UVRAG: variants seen among roughly 807,000 people sequenced by gnomAD.
UVRAG encodes UV radiation resistance associated, also known as UV radiation resistance-associated gene protein.
A neutral mutation model predicts 78.0 loss-of-function variants in UVRAG; 19 were observed. The observed-to-expected ratio is 0.24, with a 90% CI of 0.17 to 0.36. The LOEUF (loss-of-function observed/expected upper bound fraction) is 0.36. Among genes scored for constraint, UVRAG ranks in the 10% least tolerant of loss-of-function variants. The pLI, the probability that UVRAG is intolerant of heterozygous loss-of-function variation, is 1.00. For missense variants in UVRAG, 740 were observed against 853.8 expected (o/e 0.87, Z 1.66); for synonymous variants, 323 against 324.6 (o/e 1.00, Z 0.05).
intron 11 of UVRAG, among the ~76,000 whole-genome samples, chr11:76,012,244 A>C (rs908097244): frequency 2.6e-5 from 4 of 152,128 alleles, no homozygotes; most frequent in Admixed American, 2.6e-4. Context: ...TGATGTTCTC[A>C]CATTTACCCT....
chr11:76,046,040 T>C (rs1296093913), intron 12 of UVRAG, among the ~76,000 whole-genome samples: 1 of 152,036 alleles, frequency 6.6e-6, no homozygotes, highest in Admixed American at 6.6e-5. Context: ...TACAAAGGAA[T>C]AGGAGTCATA....
chr11:76,072,182 G>C (rs557438497), intron 13 of UVRAG, among the ~76,000 whole-genome samples: 38 of 152,246 alleles, frequency 2.5e-4, no homozygotes, highest in African/African-American at 8.9e-4. Context: ...TTGAATAGAG[G>C]AGGAAGAACC....
intron 8 of UVRAG, among the ~76,000 whole-genome samples, chr11:75,989,664 T>C (rs541406510): frequency 7.2e-5 from 11 of 152,362 alleles, no homozygotes; most frequent in African/African-American, 2.6e-4. Flanking sequence ...TTAGTTCTTT[T>C]GGTTCTTCAA....
intron 11 of UVRAG, among the ~76,000 whole-genome samples, chr11:76,011,052 G>A (rs926284609): frequency 6.6e-6 from 1 of 152,126 alleles, no homozygotes; most frequent in Non-Finnish European, 1.5e-5. Context: ...ACTCTGAGAT[G>A]TGTCTTGATT....
At chr11:76,114,023 TTGTC>T (rs1737838871) in intron 13 of UVRAG, among the ~76,000 whole-genome samples, 1 of 152,168 alleles carries the variant, frequency 6.6e-6, no homozygotes, top group Non-Finnish European at 1.5e-5. Context: ...GGGCAGGCAA[TTGTC>T]TGTGTACTCA....
At chr11:76,013,390 A>C (rs1950090492) in intron 11 of UVRAG, among the ~76,000 whole-genome samples, 1 of 152,170 alleles carries the variant, frequency 6.6e-6, no homozygotes, top group Non-Finnish European at 1.5e-5. Flanking sequence ...CCTGAGTCTT[A>C]AGGTTCATTC....
At chr11:76,031,436 A>G (rs1303610080) in intron 12 of UVRAG, among the ~76,000 whole-genome samples, 1 of 152,148 alleles carries the variant, frequency 6.6e-6, no homozygotes, top group African/African-American at 2.4e-5. Flanking sequence ...TTGTGCAGCT[A>G]TTTCATCACT....
intron 5 of UVRAG, among the ~76,000 whole-genome samples, chr11:75,894,482 A>G (rs1253671896): frequency 6.6e-6 from 1 of 152,132 alleles, no homozygotes; most frequent in East Asian, 1.9e-4. Flanking sequence ...GGAGGAGGAT[A>G]GAGATAGTAA....
Position 75,981,396 on chromosome 11 carries a change from G to A in UVRAG, c.700-1991G>A, listed in dbSNP as rs996575981. ...CAAAATGCTGGAATTACAGGTGTGA[G>A]CCACTGTGCCTGCCCCTAATTTGGC... is the stretch of plus-strand genomic sequence containing the variant. On this transcript the variant is annotated intron_variant, in intron 7 of 14. Transcript: ENST00000356136. Among the ~76,000 whole-genome samples, 8 of 152,008 alleles carry A rather than the reference G, an allele frequency of 5.3e-5. No individual in the cohort carries two copies. The East Asian group carries it at 1.4e-3, about 26-fold the overall frequency.
intron 13 of UVRAG, among the ~76,000 whole-genome samples, chr11:76,082,524 A>G (rs1951514974): frequency 8.4e-6 from 1 of 119,490 alleles, no homozygotes; most frequent in Admixed American, 1.1e-4. Flanking sequence ...TGGGCAACAG[A>G]GCGAGACTCC....
chr11:75,908,162 T>C (rs1023948554), intron 5 of UVRAG, among the ~76,000 whole-genome samples: 1 of 152,218 alleles, frequency 6.6e-6, no homozygotes, highest in Admixed American at 6.5e-5. Flanking sequence ...CTCATATGAA[T>C]GAATGAATGA....
intron 13 of UVRAG, among the ~76,000 whole-genome samples, chr11:76,071,345 C>A (rs968294443): frequency 1.3e-5 from 2 of 152,032 alleles, no homozygotes; most frequent in African/African-American, 4.8e-5. Context: ...GGGCAAAGTC[C>A]CTGAGGTAGG....
chr11:75,909,409 A>T (rs1478337233), intron 5 of UVRAG, among the ~76,000 whole-genome samples: 4 of 152,098 alleles, frequency 2.6e-5, no homozygotes, highest in Non-Finnish European at 4.4e-5. Context: ...GCTTCAGCCC[A>T]GGAGGTTGAG....
At chr11:75,987,519 T>C (rs1949524164) in intron 8 of UVRAG, among the ~76,000 whole-genome samples, 1 of 152,184 alleles carries the variant, frequency 6.6e-6, no homozygotes, top group Non-Finnish European at 1.5e-5. Flanking sequence ...CTTTAAAACT[T>C]TTTTCTTACC....
chr11:76,110,504 C>A (rs1334286857), intron 13 of UVRAG, among the ~76,000 whole-genome samples: 1 of 152,122 alleles, frequency 6.6e-6, no homozygotes, highest in Non-Finnish European at 1.5e-5. Flanking sequence ...TCTTCCTATA[C>A]TGTATTAATT....
At chr11:75,874,093 G>A (rs1946710222) in intron 3 of UVRAG, among the ~76,000 whole-genome samples, 1 of 152,220 alleles carries the variant, frequency 6.6e-6, no homozygotes, top group Non-Finnish European at 1.5e-5. Flanking sequence ...AAGAGCAAGT[G>A]TGAGACCTGT....
intron 7 of UVRAG, among the ~76,000 whole-genome samples, chr11:75,966,880 G>A (rs1438196790): frequency 6.6e-6 from 1 of 152,166 alleles, no homozygotes; most frequent in Non-Finnish European, 1.5e-5. Flanking sequence ...TGCATGTGTA[G>A]TATAGGATTC....
At chr11:76,083,291 G>C (rs946585727) in intron 13 of UVRAG, among the ~76,000 whole-genome samples, 2 of 152,004 alleles carry the variant, frequency 1.3e-5, no homozygotes, top group Non-Finnish European at 2.9e-5. Flanking sequence ...TGAAACATCT[G>C]CATGGACCAT....
At chr11:76,122,869 G>T (rs149531751) in intron 14 of UVRAG, among the ~76,000 whole-genome samples, 1 of 152,066 alleles carries the variant, frequency 6.6e-6, no homozygotes, top group East Asian at 1.9e-4. Context: ...TAGAAGTTAC[G>T]AATAATAAAA....
Sources: allele counts gnomAD v4.1 joint callset (sites outside exome capture counted in the v4.1 genomes callset), GRCh38; gene constraint gnomAD v4.1.1; transcripts MANE v1.5; gene names NCBI Gene and HGNC (gene_info 2026-07-23, HGNC 2026-07-21).